The following SECTM1 variants were observed in gnomAD, a reference collection of about 807,000 sequenced individuals.
The protein encoded by SECTM1 is secreted and transmembrane 1.
SECTM1 carries 10 observed loss-of-function variants against 18.1 expected under a neutral mutation model. The ratio of observed to expected loss-of-function variants is 0.55; its 90% CI spans 0.34 to 0.94. SECTM1 has a LOEUF of 0.94. Among genes scored for constraint, SECTM1 ranks in the 40% least tolerant of loss-of-function variants. The pLI, the probability that SECTM1 is intolerant of heterozygous loss-of-function variation, is 0.02. For missense variants in SECTM1, 297 were observed against 322.6 expected, an observed-to-expected ratio of 0.92 and a Z score of 0.61; for synonymous variants, 137 against 139.2, an observed-to-expected ratio of 0.98 and a Z score of 0.11.
rs1162867199 is a variant in SECTM1 at position 82,326,588 on chromosome 17, G to A, written c.94+559C>T. ...CACTCCAGCCTGGGCGTCCAGCCTGGGCGATAGAGGTAGAACCCGTCTCAA... is the reference window on the plus strand; with the variant it reads ...CACTCCAGCCTGGGCGTCCAGCCTGAGCGATAGAGGTAGAACCCGTCTCAA... On this transcript the variant is annotated intron_variant, in intron 2 of 4. Coordinates refer to ENST00000269389, the MANE Select transcript of SECTM1 (RefSeq NM_003004.3). This position sits in a 1 kb window ranked among gnomAD's most constrained non-coding sequence, Gnocchi z 4.3. Among the ~76,000 whole-genome samples the A allele has an allele frequency of 2.0e-5, 3 of 151,688 alleles. No homozygotes were observed. Among genetic ancestry groups the A allele is most frequent in the Non-Finnish European group, 4.4e-5 (3 of 67,930 alleles).
At chr17:82,327,093 T>C (rs1300747754) in intron 2 of SECTM1, 54 bp downstream of exon 2, 2 of 1,401,982 alleles carry the variant, frequency 1.4e-6, no homozygotes, top group South Asian at 1.2e-5. Flanking sequence ...GCCCCTGTCA[T>C]GCCCCCACCG....
rs11656619 is a variant in SECTM1, at chr17:82,322,015, G to A, written c.*146C>T. On this transcript the variant is annotated 3_prime_UTR_variant, in exon 5 of 5. Coordinates refer to ENST00000269389, the MANE Select transcript of SECTM1 (RefSeq NM_003004.3). Reference sequence around the variant, plus strand: ...GGGGGTGGAGGGGAAGGGTCTGCACGCACCCAGGAGTGGGTGACACAGAGG... The same window carrying A: ...GGGGGTGGAGGGGAAGGGTCTGCACACACCCAGGAGTGGGTGACACAGAGG... The A allele has an allele frequency of 0.072, 49,492 of 686,782 alleles. 2,332 individuals are homozygous for A. Among genetic ancestry groups the A allele is most frequent in the Non-Finnish European group, 0.09 (36,095 of 403,074 alleles). The allele number at this position is 686,782 out of a possible 1,614,324, so 42.5% of individuals were successfully genotyped here.
Position 82,324,664 on chromosome 17 carries a change from G to A in SECTM1, c.321C>T (p.Ala107=). 6.2e-7 allele frequency: 1 copy of A among 1,613,982 alleles called. No individual in the cohort carries two copies. Among genetic ancestry groups the A allele is most frequent in the Non-Finnish European group, 8.5e-7 (1 of 1,180,008 alleles). ...GGVAQLVIKG[A]RDSHAGLYMW... ...TGTACAGCCCAGCATGGGAGTCCCGGGCGCCTTTGATCACCAGCTGTGCCA... is the reference window on the plus strand; with the variant it reads ...TGTACAGCCCAGCATGGGAGTCCCGAGCGCCTTTGATCACCAGCTGTGCCA... The change falls in exon 3 of 5, where the codon GCC becomes GCT. Residue 107 remains alanine, a synonymous_variant. Coordinates refer to ENST00000269389, the MANE Select transcript of SECTM1 (RefSeq NM_003004.3).
rs1209023107 is a variant in SECTM1, at chr17:82,325,046, C to T, written c.95-156G>A. Among the ~76,000 whole-genome samples the T allele has an allele frequency of 6.6e-6, 1 of 152,108 alleles. No individual in the cohort carries two copies. The highest frequency in any genetic ancestry group is 1.5e-5 in the Non-Finnish European group (1 of 68,012). ...CACCCGACCCAATCAGCACATATAT[C>T]TCGTGTGGGAAGAATAAAATAGCAA... On this transcript the variant is annotated intron_variant, in intron 2 of 4. Transcript: ENST00000269389. The surrounding 1 kb of genome is among the most constrained non-coding windows in gnomAD (Gnocchi z 7.6).
chr17:82,329,017 CCAAA>C lies in SECTM1; in HGVS notation c.-52-1729_-52-1726del, dbSNP rs1275023158. 6.6e-6 allele frequency among the ~76,000 whole-genome samples: 1 copy of C among 152,190 alleles called. No homozygotes were observed. The highest frequency in any genetic ancestry group is 1.5e-5 in the Non-Finnish European group (1 of 68,014). ...TATAGATTTATAGATGTGTGTTTCT[CCAAA>C]CAAATAAACCACCAGAAAGTGTCAC... On this transcript the variant is annotated intron_variant, in intron 1 of 4. Transcript: ENST00000269389. This position sits in a 1 kb window ranked among gnomAD's most constrained non-coding sequence, Gnocchi z 7.6.
Position 82,326,539 on chromosome 17 carries a change from C to T in SECTM1, c.94+608G>A, listed in dbSNP as rs760034434. Among the ~76,000 whole-genome samples, 4 of 151,992 alleles carry T rather than the reference C, an allele frequency of 2.6e-5. No homozygotes were observed. Among genetic ancestry groups the T allele is most frequent in the Non-Finnish European group, 4.4e-5 (3 of 67,988 alleles). On this transcript the variant is annotated intron_variant, in intron 2 of 4. Transcript: ENST00000269389. The surrounding 1 kb of genome is among the most constrained non-coding windows in gnomAD (Gnocchi z 4.3). ...ACCTGAGCCCAGGAGGTCGAGGCTG[C>T]GGTGAGCTGTGATTGTACCACTGCA...
At chr17:82,327,650 G>A (rs752691463) in intron 1 of SECTM1, among the ~76,000 whole-genome samples, 65 of 152,244 alleles carry the variant, frequency 4.3e-4, no homozygotes, top group Non-Finnish European at 7.8e-4. Flanking sequence ...GTTGGTAGCC[G>A]TGTCTGACCT....
In SECTM1 at chr17:82,324,767, T is replaced by C. The variant is rs775681359; in HGVS notation, c.218A>G (p.Gln73Arg). 1 of 1,614,128 alleles carries C rather than the reference T, an allele frequency of 6.2e-7. No individual in the cohort carries two copies. The highest frequency in any genetic ancestry group is 8.5e-7 in the Non-Finnish European group (1 of 1,180,002). ...HVNIKLRAHG[Q>R]ESAIFNEVAP... ...CACCTCATTGAAGATGGCGCTCTCC[T>C]GCCCGTGGGCACGCAGCTTGATGTT... Residue 73 changes from glutamine (Q) to arginine (R), a missense_variant, in exon 3 of 5, where the codon CAG (glutamine) becomes CGG (arginine). Physicochemically the swap from Gln to Arg is conservative, Grantham distance 43 (BLOSUM62 1). Coordinates refer to ENST00000269389, the MANE Select transcript of SECTM1 (RefSeq NM_003004.3).
chr17:82,329,142 G>T lies in SECTM1; in HGVS notation c.-52-1850C>A, dbSNP rs1018735850. 2.0e-5 allele frequency: 3 copies of T among 152,064 alleles called. No homozygotes were observed. The allele number at this position is 152,064 out of a possible 1,614,324, so 9.4% of individuals were successfully genotyped here. On this transcript the variant is annotated intron_variant, in intron 1 of 4. Coordinates refer to ENST00000269389, the MANE Select transcript of SECTM1 (RefSeq NM_003004.3). This position sits in a 1 kb window ranked among gnomAD's most constrained non-coding sequence, Gnocchi z 7.6. ...TGCTGAGGACCTGGCTTGCAGACGG[G>T]CTCCGGCCTTCTCGTCCCATTGCCC...
In SECTM1 at chr17:82,322,364, A is replaced by T. The variant is rs747549019; in HGVS notation, c.544T>A (p.Phe182Ile). Residue 182 changes from phenylalanine to isoleucine, a missense_variant, in exon 5 of 5, where the codon TTC becomes ATC. Physicochemically the swap from Phe to Ile is conservative, Grantham distance 21. Transcript: ENST00000269389. Reference protein sequence around the residue: ...RCSQQRREKKFFLLEPQMKVA... With the variant: ...RCSQQRREKKIFLLEPQMKVA... The stretch of plus-strand genomic sequence containing the variant: ...TTCATCTGGGGTTCTAGGAGGAAGA[A>T]CTTCTTCTGCAGGGGGAGGAAGGAG... 3 of 1,613,532 alleles carry T rather than the reference A, an allele frequency of 1.9e-6. No individual in the cohort carries two copies. Among genetic ancestry groups the T allele is most frequent in the African/African-American group, 2.7e-5 (2 of 74,882 alleles).
Position 82,324,841 on chromosome 17 carries a change from G to C in SECTM1, c.144C>G (p.Gly48=). The change falls in exon 3 of 5, where the codon GGC becomes GGG. Residue 48 remains glycine (G), a synonymous_variant. Transcript: ENST00000269389. ...CTEGVVSVSW[G]ENTVMSCNIS... ...TGTTGCAGGACATGACGGTGTTCTC[G>C]CCCCAAGACACAGAGACTACCCCCT... is the stretch of plus-strand genomic sequence containing the variant. 5 of 1,613,856 alleles carry C rather than the reference G, an allele frequency of 3.1e-6. No individual in the cohort carries two copies. The highest frequency in any genetic ancestry group is 4.2e-6 in the Non-Finnish European group (5 of 1,179,962).
chr17:82,322,176 A>C lies in SECTM1; in HGVS notation c.732T>G (p.Tyr244Ter). Residue 244 changes from tyrosine to a stop codon, truncating the protein, a stop_gained, in exon 5 of 5, where the codon TAT becomes TAG. Transcript: ENST00000269389. LOFTEE classifies it high-confidence loss of function. ...TTGCAGGCGGCTATGGGTCTGCGGC[A>C]TATGGAAACAAGGGTTGGGGGGACA... The part of the protein sequence containing the change: ...ELLSPQPLFP[Y>*]AADP The C allele has an allele frequency of 6.2e-7, 1 of 1,613,766 alleles. No homozygotes were observed. Among genetic ancestry groups the C allele is most frequent in the East Asian group, 2.2e-5 (1 of 44,852 alleles).
At chr17:82,324,371 C>T (rs996823907) in intron 3 of SECTM1, among the ~76,000 whole-genome samples, 1 of 152,016 alleles carries the variant, frequency 6.6e-6, no homozygotes, top group Non-Finnish European at 1.5e-5. Flanking sequence ...CTGACCCCTG[C>T]CCCTCCCAAA....
At chr17:82,331,457 G>T (rs1420781062) in intron 1 of SECTM1, among the ~76,000 whole-genome samples, 1 of 152,228 alleles carries the variant, frequency 6.6e-6, no homozygotes, top group African/African-American at 2.4e-5. Context: ...AGGTCACCAG[G>T]CACATCTGGT....
In SECTM1 at chr17:82,330,023, C is replaced by T. The variant is rs1027094881; in HGVS notation, c.-52-2731G>A. On this transcript the variant is annotated intron_variant, in intron 1 of 4. Coordinates refer to ENST00000269389, the MANE Select transcript of SECTM1 (RefSeq NM_003004.3). This position sits in a 1 kb window ranked among gnomAD's most constrained non-coding sequence, Gnocchi z 6.1. ...GACTGGTAGCCGACCACAGAACCCC[C>T]ACCCCCAGTGCGGTGGGAGACCCAG... Among the ~76,000 whole-genome samples the T allele has an allele frequency of 6.6e-6, 1 of 152,190 alleles. No homozygotes were observed. Among genetic ancestry groups the T allele is most frequent in the Non-Finnish European group, 1.5e-5 (1 of 68,002 alleles).
intron 3 of SECTM1, among the ~76,000 whole-genome samples, chr17:82,324,376 C>T (rs2076051380): frequency 1.3e-5 from 2 of 152,034 alleles, no homozygotes; most frequent in Non-Finnish European, 2.9e-5. Context: ...CCCTGCCCCT[C>T]CCAAAGGAAG....
chr17:82,322,756 G>T, intron 4 of SECTM1, 122 bp downstream of exon 4: 2 of 1,243,066 alleles, frequency 1.6e-6, no homozygotes, highest in Non-Finnish European at 2.2e-6. Context: ...CTCTGGGACC[G>T]GTGCTCCCCC....
Position 82,324,879 on chromosome 17 carries a change from G to C in SECTM1, c.106C>G (p.Pro36Ala). Residue 36 changes from proline (P) to alanine (A), a missense_variant, in exon 3 of 5, where the codon CCC (proline) becomes GCC (alanine). By Grantham distance (27) the Pro-to-Ala change is conservative (BLOSUM62 -1). Coordinates refer to ENST00000269389, the MANE Select transcript of SECTM1 (RefSeq NM_003004.3). ...LSAQNEGWDS[P>A]ICTEGVVSVS... The stretch of plus-strand genomic sequence containing the variant: ...GAGACTACCCCCTCTGTGCAGATGG[G>C]GCTGTCCCAGCCTGTAGGGCCAGAC... The C allele has an allele frequency of 6.2e-7, 1 of 1,610,726 alleles. No homozygotes were observed. The highest frequency in any genetic ancestry group is 8.5e-7 in the Non-Finnish European group (1 of 1,178,120).
At chr17:82,327,506 C>T (rs963928593) in intron 1 of SECTM1, among the ~76,000 whole-genome samples, 5 of 152,182 alleles carry the variant, frequency 3.3e-5, no homozygotes, top group East Asian at 1.9e-4. Context: ...CACGCGGGGG[C>T]GGGAGACAGA....
Sources: gnomAD v4.1 joint callset for allele counts (sites outside exome capture counted in the v4.1 genomes callset) on GRCh38, gnomAD v4.1.1 for gene constraint, Gnocchi (gnomAD v3.1) non-coding constraint, MANE v1.5 for transcripts, NCBI Gene and HGNC (gene_info 2026-07-23, HGNC 2026-07-21) for gene names.